TMEM38A: variants seen among roughly 807,000 people sequenced by gnomAD.
TMEM38A encodes trimeric intracellular cation channel type A.
TMEM38A carries 17 observed loss-of-function variants against 28.6 expected under a neutral mutation model. The observed-to-expected ratio is 0.60, with a 90% CI of 0.41 to 0.89. The LOEUF (loss-of-function observed/expected upper bound fraction) is 0.89, where lower values mean the gene tolerates loss of function less well. Ranked by LOEUF, TMEM38A falls within the 40% of genes least tolerant of loss-of-function variation. TMEM38A has a pLI of 0.00. For missense variants in TMEM38A, 328 were observed against 393.1 expected, an observed-to-expected ratio of 0.83 and a Z score of 1.40; for synonymous variants, 169 against 166.1, an observed-to-expected ratio of 1.02 and a Z score of -0.14.
chr19:16,664,159 G>A (rs1340788571), intron 1 of TMEM38A, among the ~76,000 whole-genome samples: 1 of 152,116 alleles, frequency 6.6e-6, no homozygotes, highest in Non-Finnish European at 1.5e-5. Context: ...GCTTATGCCT[G>A]TAATCCCAGC....
chr19:16,681,943 A>G (rs1204175895), intron 3 of TMEM38A, among the ~76,000 whole-genome samples: 2 of 152,284 alleles, frequency 1.3e-5, no homozygotes, highest in East Asian at 1.9e-4. Context: ...TAATCATTCT[A>G]TCTCCATTTG....
rs1000969191 is a variant in TMEM38A at position 16,679,297 on chromosome 19, G to A, written c.125-687G>A. 8.1e-3 allele frequency among the ~76,000 whole-genome samples: 810 copies of A among 100,192 alleles called. 5 individuals carry two copies. Among genetic ancestry groups the A allele is most frequent in the African/African-American group, 0.045 (751 of 16,876 alleles). 65.7% of individuals were successfully genotyped at this position (100,192 alleles called of 152,430 possible). On this transcript the variant is annotated intron_variant, in intron 1 of 5. Coordinates refer to ENST00000187762, the MANE Select transcript of TMEM38A (RefSeq NM_024074.4). ...TGTGTGTGTGTGTGTGTGTGTGTGT[G>A]TATGTGTGTGTTTTAGATGGAGTCT... is the stretch of plus-strand genomic sequence containing the variant.
At chr19:16,686,814 C>T (rs1420071634) in intron 5 of TMEM38A, among the ~76,000 whole-genome samples, 1 of 152,116 alleles carries the variant, frequency 6.6e-6, no homozygotes, top group African/African-American at 2.4e-5. Context: ...GGCTCTCTCC[C>T]TCTGCATGAA....
At chr19:16,676,934 T>C (rs1211303732) in intron 1 of TMEM38A, among the ~76,000 whole-genome samples, 1 of 151,718 alleles carries the variant, frequency 6.6e-6, no homozygotes, top group Non-Finnish European at 1.5e-5. Context: ...CTAATTTTTG[T>C]ATTTTTAGTA....
chr19:16,682,432 G>A lies in TMEM38A; in HGVS notation c.478G>A (p.Ala160Thr), dbSNP rs375968590. 1.4e-5 allele frequency: 23 copies of A among 1,613,778 alleles called. No homozygotes were observed. Among genetic ancestry groups the A allele is most frequent in the African/African-American group, 8.0e-5 (6 of 74,866 alleles). ...ATGWVKGSGV[A>T]LMSNFEQLLR... Reference sequence around the variant, plus strand: ...ACCCTGTCCTGTAGGTTCTGGTGTCGCCCTCATGTCCAACTTTGAGCAGCT... The same window carrying A: ...ACCCTGTCCTGTAGGTTCTGGTGTCACCCTCATGTCCAACTTTGAGCAGCT... The change falls in exon 4 of 6, where the codon GCC (alanine) becomes ACC (threonine). Residue 160 changes from alanine to threonine, a missense_variant. Transcript: ENST00000187762.
intron 1 of TMEM38A, among the ~76,000 whole-genome samples, chr19:16,674,209 A>G (rs2086739916): frequency 6.6e-6 from 1 of 151,420 alleles, no homozygotes; most frequent in Non-Finnish European, 1.5e-5. Flanking sequence ...ACTTGGAGAA[A>G]CCCCCTGTCT....
At chr19:16,684,815 G>A (rs2086794947) in intron 4 of TMEM38A, among the ~76,000 whole-genome samples, 2 of 148,482 alleles carry the variant, frequency 1.3e-5, no homozygotes, top group South Asian at 4.2e-4. Flanking sequence ...GAGATAGGAG[G>A]ATTGCTCAAG....
rs535347473 is a variant in TMEM38A at position 16,674,389 on chromosome 19, C to CAAAAA, written c.125-5580_125-5576dup. On this transcript the variant is annotated intron_variant, in intron 1 of 5. Coordinates refer to ENST00000187762, the MANE Select transcript of TMEM38A (RefSeq NM_024074.4). ...GGCGACAGAGCAAAACTCTTGTCTCCAAAAAAAAAAAAAAAAAAAGTTGGG... is the reference window on the plus strand; with the variant it reads ...GGCGACAGAGCAAAACTCTTGTCTCCAAAAAAAAAAAAAAAAAAAAAAAAGTTGGG... Among the ~76,000 whole-genome samples, 102 of 87,180 alleles carry CAAAAA rather than the reference C, an allele frequency of 1.2e-3. 1 individual carries two copies. The highest frequency in any genetic ancestry group is 3.3e-3 in the African/African-American group (101 of 30,608). The allele number at this position is 87,180 out of a possible 152,430, so 57.2% of individuals were successfully genotyped here.
intron 1 of TMEM38A, among the ~76,000 whole-genome samples, chr19:16,676,750 A>C (rs1378665347): frequency 1.4e-5 from 2 of 147,334 alleles, no homozygotes; most frequent in East Asian, 3.9e-4. Context: ...TTGCATTTTC[A>C]TGACCTTTTT....
chr19:16,668,246 A>T (rs940493158), intron 1 of TMEM38A, among the ~76,000 whole-genome samples: 5 of 151,172 alleles, frequency 3.3e-5, no homozygotes, highest in African/African-American at 1.2e-4. Flanking sequence ...AATTAAATAA[A>T]TAACTCAGAA....
intron 1 of TMEM38A, among the ~76,000 whole-genome samples, chr19:16,669,806 C>T (rs908965776): frequency 2.2e-4 from 33 of 152,064 alleles, no homozygotes; most frequent in African/African-American, 7.7e-4. Flanking sequence ...CCTGGGGACC[C>T]TTCTAGTACC....
At chr19:16,678,244 C>T (rs2086761093) in intron 1 of TMEM38A, among the ~76,000 whole-genome samples, 1 of 152,046 alleles carries the variant, frequency 6.6e-6, no homozygotes, top group South Asian at 2.1e-4. Flanking sequence ...TCCTGGCCAA[C>T]ATGGTGAACC....
chr19:16,686,483 T>C, intron 5 of TMEM38A, 78 bp downstream of exon 5: 1 of 1,189,054 alleles, frequency 8.4e-7, no homozygotes, highest in Non-Finnish European at 1.2e-6. Flanking sequence ...GTGGGGAAAT[T>C]GGACACTCCC....
intron 1 of TMEM38A, among the ~76,000 whole-genome samples, chr19:16,670,212 C>T (rs2086720908): frequency 6.6e-6 from 1 of 151,366 alleles, no homozygotes; most frequent in Non-Finnish European, 1.5e-5. Context: ...TTGTGATCCA[C>T]CCGCCTCGGT....
At chr19:16,685,933 C>T (rs1250719740) in intron 4 of TMEM38A, among the ~76,000 whole-genome samples, 2 of 152,152 alleles carry the variant, frequency 1.3e-5, no homozygotes, top group Admixed American at 1.3e-4. Context: ...TTTGGGAGGC[C>T]GAGCAGATCA....
At chr19:16,663,030 C>G (rs2086688848) in intron 1 of TMEM38A, among the ~76,000 whole-genome samples, 1 of 151,872 alleles carries the variant, frequency 6.6e-6, no homozygotes, top group African/African-American at 2.4e-5. Context: ...CCTGTAATCC[C>G]AGCACTTTGG....
At chr19:16,687,557 T>A (rs1479738350) in intron 5 of TMEM38A, among the ~76,000 whole-genome samples, 1 of 152,102 alleles carries the variant, frequency 6.6e-6, no homozygotes, top group East Asian at 1.9e-4. Context: ...TTTCTTACAG[T>A]TCTGGAGGCT....
chr19:16,685,049 T>TATAAATAAATAAATCAATAAATAA (rs202015834), intron 4 of TMEM38A, among the ~76,000 whole-genome samples: 1 of 136,480 alleles, frequency 7.3e-6, no homozygotes, highest in African/African-American at 2.8e-5. Context: ...ACCCTGTCTC[T>TATAAATAAATAAATCAATAAATAA]GTAAATAAAT....
chr19:16,667,635 T>A (rs2086708995), intron 1 of TMEM38A, among the ~76,000 whole-genome samples: 1 of 151,736 alleles, frequency 6.6e-6, no homozygotes, highest in African/African-American at 2.4e-5. Context: ...GGCGGGTGGA[T>A]CACTTGAGGT....
Sources: gnomAD v4.1 joint callset for allele counts (sites outside exome capture counted in the v4.1 genomes callset) on GRCh38, gnomAD v4.1.1 for gene constraint, MANE v1.5 for transcripts, NCBI Gene and HGNC (gene_info 2026-07-23, HGNC 2026-07-21) for gene names.